CEMIP: variants seen among roughly 807,000 people sequenced by gnomAD.
The protein encoded by CEMIP is cell migration inducing hyaluronidase 1.
CEMIP carries 105 observed loss-of-function variants against 156.9 expected under a neutral mutation model. That is an observed-to-expected ratio of 0.67 (90% CI 0.57 to 0.79). CEMIP has a LOEUF of 0.79. Among genes scored for constraint, CEMIP ranks in the 30% least tolerant of loss-of-function variants. CEMIP has a pLI of 0.00. For synonymous variants in CEMIP, 676 were observed against 668.4 expected, an observed-to-expected ratio of 1.01 and a Z score of -0.17; for missense variants, 1,457 against 1,769.4, an observed-to-expected ratio of 0.82 and a Z score of 3.17.
intron 1 of CEMIP, among the ~76,000 whole-genome samples, chr15:80,872,142 G>T (rs565965406): frequency 1.3e-5 from 2 of 152,328 alleles, no homozygotes; most frequent in Non-Finnish European, 1.5e-5. Flanking sequence ...GAACCGAAAG[G>T]TCAGGGGTGA....
chr15:80,787,198 A>G (rs1484238195), intron 1 of CEMIP, among the ~76,000 whole-genome samples: 1 of 152,262 alleles, frequency 6.6e-6, no homozygotes, highest in African/African-American at 2.4e-5. Flanking sequence ...GTCCTTAGAA[A>G]GGGAACTGAA....
At chr15:80,781,653 C>A (rs1381942369) in intron 1 of CEMIP, among the ~76,000 whole-genome samples, 1 of 124,464 alleles carries the variant, frequency 8.0e-6, no homozygotes. Flanking sequence ...CAAGTAAACA[C>A]CTCTTATAAA....
intron 1 of CEMIP, among the ~76,000 whole-genome samples, chr15:80,840,482 G>A (rs754892224): frequency 7.2e-5 from 11 of 152,126 alleles, no homozygotes; most frequent in Non-Finnish European, 1.2e-4. Context: ...GTTTTTAAAT[G>A]TTTGTTTGGG....
chr15:80,885,948 A>G (rs1042007052), intron 7 of CEMIP, among the ~76,000 whole-genome samples: 2 of 152,234 alleles, frequency 1.3e-5, no homozygotes, highest in African/African-American at 2.4e-5. Flanking sequence ...GTATAGAGAC[A>G]TTCTTTGAGT....
chr15:80,857,834 T>C (rs116590082), intron 1 of CEMIP, among the ~76,000 whole-genome samples: 190 of 152,330 alleles, frequency 1.2e-3, no homozygotes, highest in African/African-American at 4.4e-3. Flanking sequence ...ACAAAGGGTA[T>C]TGAGGCAGGG....
chr15:80,824,268 C>G (rs1041016372), intron 1 of CEMIP, among the ~76,000 whole-genome samples: 1 of 152,204 alleles, frequency 6.6e-6, no homozygotes, highest in Non-Finnish European at 1.5e-5. Context: ...TCGAGGCAGT[C>G]CAGTCCACAG....
intron 1 of CEMIP, among the ~76,000 whole-genome samples, chr15:80,799,708 A>G (rs1896327402): frequency 6.6e-6 from 1 of 152,218 alleles, no homozygotes; most frequent in Non-Finnish European, 1.5e-5. Context: ...AAGAAAATGT[A>G]TATATATGCA....
At chr15:80,863,838 T>G (rs1393211737) in intron 1 of CEMIP, among the ~76,000 whole-genome samples, 1 of 152,156 alleles carries the variant, frequency 6.6e-6, no homozygotes, top group Non-Finnish European at 1.5e-5. Context: ...GTGTTGTGTT[T>G]TCATTCATGG....
At position 80,936,883 on chromosome 15, in the gene CEMIP, C is replaced by A. The variant is rs1207829211; in HGVS notation, c.3219C>A (p.Asn1073Lys). ...AELAIWLINF[N>K]KGDWIRVGLC... Reference sequence around the variant, plus strand: ...TCGCCATCTGGCTCATCAACTTCAACAAGTGAGTGGGTGTCCAGCCAGGAG... The same window carrying A: ...TCGCCATCTGGCTCATCAACTTCAAAAAGTGAGTGGGTGTCCAGCCAGGAG... The change falls in exon 24 of 30, where the codon AAC becomes AAA. Residue 1073 changes from asparagine to lysine, a missense_variant and splice_region_variant. Transcript: ENST00000394685. 6.2e-7 allele frequency: 1 copy of A among 1,613,822 alleles called. No individual in the cohort carries two copies. Among genetic ancestry groups the A allele is most frequent in the Non-Finnish European group, 8.5e-7 (1 of 1,179,918 alleles).
intron 12 of CEMIP, among the ~76,000 whole-genome samples, chr15:80,899,755 G>A (rs551628904): frequency 1.2e-4 from 18 of 152,304 alleles, no homozygotes; most frequent in Middle Eastern, 3.4e-3. Context: ...GGGAAAGACC[G>A]TCTAGATTTG....
intron 14 of CEMIP, chr15:80,909,546 T>C: frequency 1.7e-6 from 1 of 596,740 alleles, no homozygotes; most frequent in Non-Finnish European, 3.1e-6. Flanking sequence ...TGTGGTGGTT[T>C]CTGGGAGTCC....
At chr15:80,790,372 A>G (rs1459554655) in intron 1 of CEMIP, among the ~76,000 whole-genome samples, 4 of 152,240 alleles carry the variant, frequency 2.6e-5, no homozygotes, top group African/African-American at 9.6e-5. Flanking sequence ...TCAATTTCTC[A>G]GAGGTCTGTA....
chr15:80,880,227 A>AGAGT (rs1178986005), intron 5 of CEMIP, among the ~76,000 whole-genome samples: 1 of 152,208 alleles, frequency 6.6e-6, no homozygotes, highest in African/African-American at 2.4e-5. Context: ...TAAACAATTG[A>AGAGT]GAGTGCTAAG....
At chr15:80,930,296 A>G (rs1900858122) in intron 21 of CEMIP, among the ~76,000 whole-genome samples, 1 of 152,218 alleles carries the variant, frequency 6.6e-6, no homozygotes, top group East Asian at 1.9e-4. Flanking sequence ...CCCTTTCAGC[A>G]TGTGTATGAG....
In CEMIP at chr15:80,880,990, A is replaced by G. The variant is rs778874487; in HGVS notation, c.471A>G (p.Lys157=). The change falls in exon 6 of 30, where the codon AAA becomes AAG. Residue 157 remains lysine, a synonymous_variant. Transcript: ENST00000394685. ...KGGALELHGQ[K]KLSWTFLNKT... ...GCGCTCTTGAGTTGCATGGACAGAAAAAGCTCTCCTGGACATTTCTGAACA... is the reference window on the plus strand; with the variant it reads ...GCGCTCTTGAGTTGCATGGACAGAAGAAGCTCTCCTGGACATTTCTGAACA... The G allele has an allele frequency of 2.5e-6, 4 of 1,614,176 alleles. 1 individual carries two copies. In the South Asian group the frequency reaches 4.4e-5, roughly 18 times the overall value.
chr15:80,857,939 C>T (rs766083282), intron 1 of CEMIP, among the ~76,000 whole-genome samples: 7 of 151,630 alleles, frequency 4.6e-5, no homozygotes, highest in African/African-American at 1.2e-4. Flanking sequence ...AAAGCATTCC[C>T]GGCAGTAGGA....
rs887604382 is a variant in CEMIP at position 80,932,684 on chromosome 15, G to A, written c.2794-561G>A. Among the ~76,000 whole-genome samples the A allele has an allele frequency of 6.6e-6, 1 of 152,192 alleles. No individual in the cohort carries two copies. Among genetic ancestry groups the A allele is most frequent in the African/African-American group, 2.4e-5 (1 of 41,430 alleles). ...TTCCTGGCAGGCTGAGGGAAACGAT[G>A]TGAAACTGAAATGACTTAATGTCTT... On this transcript the variant is annotated intron_variant, in intron 22 of 29. Transcript: ENST00000394685. This position sits in a 1 kb window ranked among gnomAD's most constrained non-coding sequence, Gnocchi z 4.5.
rs1180208481 is a variant in CEMIP at position 80,943,009 on chromosome 15, A to C, written c.3764A>C (p.Gln1255Pro). Residue 1255 changes from glutamine (Q) to proline (P), a missense_variant, in exon 28 of 30, where the codon CAA (glutamine) becomes CCA (proline). By Grantham distance (76) the Gln-to-Pro change is moderately conservative. Coordinates refer to ENST00000394685, the MANE Select transcript of CEMIP (RefSeq NM_001293298.2). The stretch of plus-strand genomic sequence containing the variant: ...CAGGTGGTGGTGATTGACGGGAACC[A>C]AGGGCGCGTGGTGAGCCACACGAGC... ...GIQVVVIDGN[Q>P]GRVVSHTSFR... The C allele has an allele frequency of 6.2e-7, 1 of 1,614,206 alleles. No individual in the cohort carries two copies. Among genetic ancestry groups the C allele is most frequent in the Non-Finnish European group, 8.5e-7 (1 of 1,180,040 alleles).
intron 14 of CEMIP, among the ~76,000 whole-genome samples, chr15:80,911,211 C>T (rs1900038486): frequency 6.6e-6 from 1 of 152,188 alleles, no homozygotes; most frequent in African/African-American, 2.4e-5. Flanking sequence ...TCAGGTCTGT[C>T]CTGCTCCCTC....
Sources: gnomAD v4.1 joint callset for allele counts (sites outside exome capture counted in the v4.1 genomes callset) on GRCh38, gnomAD v4.1.1 for gene constraint, Gnocchi (gnomAD v3.1) non-coding constraint, MANE v1.5 for transcripts, NCBI Gene and HGNC (gene_info 2026-07-23, HGNC 2026-07-21) for gene names.